CCDC80: variants seen among roughly 807,000 people sequenced by gnomAD.
CCDC80 encodes the protein coiled-coil domain-containing protein 80.
Under a neutral mutation model 78.7 loss-of-function variants are expected in CCDC80, and 49 were observed. The ratio of observed to expected loss-of-function variants is 0.62; its 90% CI spans 0.50 to 0.79. CCDC80 has a LOEUF of 0.79. CCDC80 is among the 30% of genes least tolerant of loss of function. The pLI, the probability that CCDC80 is intolerant of heterozygous loss-of-function variation, is 0.00. For missense variants in CCDC80, 1,205 were observed against 1,198.6 expected, an observed-to-expected ratio of 1.01 and a Z score of -0.08; for synonymous variants, 488 against 447.0, an observed-to-expected ratio of 1.09 and a Z score of -1.16.
intron 3 of CCDC80, among the ~76,000 whole-genome samples, chr3:112,627,481 G>A (rs747353526): frequency 2.0e-5 from 3 of 152,138 alleles, no homozygotes; most frequent in Non-Finnish European, 4.4e-5. Context: ...TGGTGAGTAC[G>A]GCCCACACTG....
At chr3:112,624,100 A>G (rs1935918954) in intron 3 of CCDC80, among the ~76,000 whole-genome samples, 1 of 152,214 alleles carries the variant, frequency 6.6e-6, no homozygotes, top group Non-Finnish European at 1.5e-5. Context: ...AAAAGACAGT[A>G]ATAAGGTATA....
In CCDC80 at chr3:112,610,092, A is replaced by G. The variant is rs1935594325; in HGVS notation, c.2322-11T>C. The G allele has an allele frequency of 6.2e-7, 1 of 1,610,820 alleles. No individual in the cohort carries two copies. The highest frequency in any genetic ancestry group is 1.3e-5 in the African/African-American group (1 of 74,830). On this transcript the variant is annotated splice_polypyrimidine_tract_variant and intron_variant, in intron 5 of 7. Transcript: ENST00000206423. ...CTCCTCCACCGGAACCTGGAAAAAA[A>G]AAGCAGGACACCATTACTGCTTACT...
At chr3:112,632,922 C>A (rs1936126190) in intron 2 of CCDC80, among the ~76,000 whole-genome samples, 1 of 152,062 alleles carries the variant, frequency 6.6e-6, no homozygotes, top group African/African-American at 2.4e-5. Context: ...CAGACCCAGT[C>A]TAAATTAGGA....
intron 3 of CCDC80, among the ~76,000 whole-genome samples, chr3:112,627,411 T>C (rs1935999274): frequency 6.6e-6 from 1 of 152,240 alleles, no homozygotes; most frequent in Non-Finnish European, 1.5e-5. Context: ...TTAAGGTAAG[T>C]TTCTTGGCGT....
rs1165001871 is a variant in CCDC80, at chr3:112,630,121, A to G, written c.2027T>C (p.Phe676Ser). 1 of 1,613,610 alleles carries G rather than the reference A, an allele frequency of 6.2e-7. No homozygotes were observed. The highest frequency in any genetic ancestry group is 8.5e-7 in the Non-Finnish European group (1 of 1,179,748). The change falls in exon 3 of 8, where the codon TTT becomes TCT. Residue 676 changes from phenylalanine (F) to serine (S), a missense_variant. Transcript: ENST00000206423. ...VNNSTMKIDH[F>S]QLDNEKPMRV... ...AAAATGTTTAAGAGAACCTAGCTGA[A>G]AGTGGTCGATTTTCATGGTGCTGTT...
chr3:112,628,192 T>C (rs973492301), intron 3 of CCDC80, among the ~76,000 whole-genome samples: 2 of 152,148 alleles, frequency 1.3e-5, no homozygotes, highest in Non-Finnish European at 2.9e-5. Context: ...GTAATTAAGC[T>C]CACTGCCCTC....
chr3:112,609,843 A>G (rs968163716), intron 6 of CCDC80, 135 bp downstream of exon 6: 1 of 634,246 alleles, frequency 1.6e-6, no homozygotes, highest in African/African-American at 1.8e-5. Flanking sequence ...TCAATATAGT[A>G]GAGTATGTGT....
chr3:112,605,841 T>TA, intron 7 of CCDC80, 78 bp from the exon 8 acceptor site: 1 of 1,220,558 alleles, frequency 8.2e-7, no homozygotes, highest in African/African-American at 1.5e-5. Flanking sequence ...GTGAGGAAAT[T>TA]ACTGTGAGAA....
chr3:112,639,450 C>T lies in CCDC80; in HGVS notation c.456G>A (p.Trp152Ter). 1 of 1,614,148 alleles carries T rather than the reference C, an allele frequency of 6.2e-7. No individual in the cohort carries two copies. The highest frequency in any genetic ancestry group is 8.5e-7 in the Non-Finnish European group (1 of 1,180,034). Residue 152 changes from tryptophan (W) to a stop codon, truncating the protein, a stop_gained, in exon 2 of 8, where the codon TGG (tryptophan) becomes TGA (stop). Coordinates refer to ENST00000206423, the MANE Select transcript of CCDC80 (RefSeq NM_199511.3). LOFTEE classifies it high-confidence loss of function. ...CCGAGGCATGAGGGGCTGAGATGAC[C>T]CATACTCTGTTCTTCCCTGCAAAGC... ...LASFAGKNRV[W>*]VISAPHASEG...
At position 112,639,726 on chromosome 3, in the gene CCDC80, T is replaced by C. The variant is rs956439446; in HGVS notation, c.180A>G (p.Gly60=). Residue 60 remains glycine, a synonymous_variant, in exon 2 of 8, where the codon GGA becomes GGG. Coordinates refer to ENST00000206423, the MANE Select transcript of CCDC80 (RefSeq NM_199511.3). ...RFLRHTGRSR[G]IERSTLEEPN... ...GTTCCTCCAGAGTGGATCTCTCAATTCCGCGAGACCTCCCAGTGTGCCTCA... is the reference window on the plus strand; with the variant it reads ...GTTCCTCCAGAGTGGATCTCTCAATCCCGCGAGACCTCCCAGTGTGCCTCA... 5.6e-6 allele frequency: 9 copies of C among 1,613,916 alleles called. No individual in the cohort carries two copies. Among genetic ancestry groups the C allele is most frequent in the Non-Finnish European group, 7.6e-6 (9 of 1,180,022 alleles).
intron 3 of CCDC80, among the ~76,000 whole-genome samples, chr3:112,619,710 T>C (rs1394396316): frequency 6.6e-6 from 1 of 152,214 alleles, no homozygotes; most frequent in Non-Finnish European, 1.5e-5. Context: ...TGACAATTTA[T>C]GGAAATTTTA....
chr3:112,633,087 T>C (rs1302208929), intron 2 of CCDC80, among the ~76,000 whole-genome samples: 1 of 152,212 alleles, frequency 6.6e-6, no homozygotes, highest in Non-Finnish European at 1.5e-5. Context: ...ATTGTTATAA[T>C]GAATCAACTT....
chr3:112,621,173 G>A (rs1327669913), intron 3 of CCDC80, among the ~76,000 whole-genome samples: 3 of 152,124 alleles, frequency 2.0e-5, no homozygotes, highest in African/African-American at 7.2e-5. Context: ...CCTGCCTCTT[G>A]ACTCTGAGCG....
At chr3:112,619,201 T>C (rs1230675238) in intron 3 of CCDC80, 97 bp from the exon 4 acceptor site, 2 of 1,144,598 alleles carry the variant, frequency 1.7e-6, no homozygotes, top group Non-Finnish European at 1.2e-6. Context: ...CACACCAGCC[T>C]TCATTAGTTT....
Position 112,639,122 on chromosome 3 carries a change from C to T in CCDC80, c.784G>A (p.Asp262Asn). The change falls in exon 2 of 8, where the codon GAC (aspartate) becomes AAC (asparagine). Residue 262 changes from aspartate to asparagine, a missense_variant. Transcript: ENST00000206423. ...VRLEAMYEVI[D>N]QGPIRRIEKI... The stretch of plus-strand genomic sequence containing the variant: ...TCGATCCTACGGATGGGGCCTTGGT[C>T]GATGACCTCGTACATGGCTTCCAGC... 6.2e-7 allele frequency: 1 copy of T among 1,614,122 alleles called. No individual in the cohort carries two copies. Among genetic ancestry groups the T allele is most frequent in the South Asian group, 1.1e-5 (1 of 91,074 alleles).
Position 112,639,244 on chromosome 3 carries a change from T to TTAGGGATGAGGC in CCDC80, c.650_661dup (p.Ser217_Pro220dup). On this transcript the variant is annotated inframe_insertion, in exon 2 of 8. Coordinates refer to ENST00000206423, the MANE Select transcript of CCDC80 (RefSeq NM_199511.3). ...CTCCAGCTTCAGGAAGCTCATCAGCTTAGGGATGAGGCTAGGGTCCAGGGG... is the reference window on the plus strand; with the variant it reads ...CTCCAGCTTCAGGAAGCTCATCAGCTTAGGGATGAGGCTAGGGATGAGGCTAGGGTCCAGGGG... 1 of 1,614,136 alleles carries TTAGGGATGAGGC rather than the reference T, an allele frequency of 6.2e-7. No individual in the cohort carries two copies. The highest frequency in any genetic ancestry group is 2.2e-5 in the East Asian group (1 of 44,868).
At chr3:112,636,546 C>G (rs1225114122) in intron 2 of CCDC80, among the ~76,000 whole-genome samples, 1 of 152,230 alleles carries the variant, frequency 6.6e-6, no homozygotes, top group Non-Finnish European at 1.5e-5. Context: ...ATAAACATCA[C>G]AAAGAACTTT....
In CCDC80 at chr3:112,602,534, A is replaced by G. The variant is rs1935391142; in HGVS notation, c.*2883T>C. 1 of 152,260 alleles carries G rather than the reference A, an allele frequency of 6.6e-6. No individual in the cohort carries two copies. Among genetic ancestry groups the G allele is most frequent in the Non-Finnish European group, 1.5e-5 (1 of 68,044 alleles). The allele number at this position is 152,260 out of a possible 1,614,324, so 9.4% of individuals were successfully genotyped here. A position where few individuals can be genotyped will look rare whatever the true frequency, so the allele number is the denominator to read the frequency against. On this transcript the variant is annotated 3_prime_UTR_variant, in exon 8 of 8. Transcript: ENST00000206423. ...GTTCTTGAAGGAAATTAAAAGTGCT[A>G]CTTTGTGAATGCATGAATGATAAAA...
rs770807716 is a variant in CCDC80 at position 112,638,366 on chromosome 3, G to A, written c.1540C>T (p.Arg514Trp). The change falls in exon 2 of 8, where the codon CGG becomes TGG. Residue 514 changes from arginine (R) to tryptophan (W), a missense_variant. Transcript: ENST00000206423. ...TCCTCCAGCTGAGAGGCAGTAGGCCGGCTGAGGTCATACTTCTCCTCATAC... is the reference window on the plus strand; with the variant it reads ...TCCTCCAGCTGAGAGGCAGTAGGCCAGCTGAGGTCATACTTCTCCTCATAC... ...NEYEEKYDLSRPTASQLEDEL... is the reference protein window; with the variant it reads ...NEYEEKYDLSWPTASQLEDEL... The A allele has an allele frequency of 1.2e-5, 19 of 1,613,828 alleles. No individual in the cohort carries two copies. Among genetic ancestry groups the A allele is most frequent in the Middle Eastern group, 1.6e-4 (1 of 6,084 alleles).
Sources: allele counts gnomAD v4.1 joint callset (sites outside exome capture counted in the v4.1 genomes callset), GRCh38; gene constraint gnomAD v4.1.1; transcripts MANE v1.5; gene names NCBI Gene and HGNC (gene_info 2026-07-23, HGNC 2026-07-21).